The following KCTD8 variants were observed in gnomAD, a reference collection of about 807,000 sequenced individuals.
The protein encoded by KCTD8 is BTB/POZ domain-containing protein KCTD8.
A neutral mutation model predicts 31.5 loss-of-function variants in KCTD8; 27 were observed. The observed-to-expected ratio is 0.86, with a 90% confidence interval of 0.63 to 1.18. The LOEUF (loss-of-function observed/expected upper bound fraction) is 1.18. Ranked by LOEUF, KCTD8 falls within the 50% of genes most tolerant of loss-of-function variation. The pLI, the probability that KCTD8 is intolerant of heterozygous loss-of-function variation, is 0.00. For synonymous variants in KCTD8, 290 were observed against 280.0 expected, an observed-to-expected ratio of 1.04 and a Z score of -0.36; for missense variants, 658 against 647.7, an observed-to-expected ratio of 1.02 and a Z score of -0.17.
intron 1 of KCTD8, among the ~76,000 whole-genome samples, chr4:44,267,159 G>C (rs1716405213): frequency 6.6e-6 from 1 of 152,046 alleles, no homozygotes. Context: ...GCTCTCCTCA[G>C]CAAATGTAAA....
chr4:44,367,036 G>C (rs556706588), intron 1 of KCTD8, among the ~76,000 whole-genome samples: 3 of 152,136 alleles, frequency 2.0e-5, no homozygotes. Context: ...CACATTCTTT[G>C]CTGCAATCCA....
intron 1 of KCTD8, 48 bp downstream of exon 1, chr4:44,447,515 T>A: frequency 6.8e-7 from 1 of 1,471,006 alleles, no homozygotes; most frequent in Non-Finnish European, 9.0e-7. Flanking sequence ...TGGCGGCGGC[T>A]CAGCAGGGGG....
chr4:44,289,473 T>C (rs139012553), intron 1 of KCTD8, among the ~76,000 whole-genome samples: 1 of 150,968 alleles, frequency 6.6e-6, no homozygotes, highest in South Asian at 2.1e-4. Flanking sequence ...ACACCAAGAG[T>C]TGATACAGAG....
intron 1 of KCTD8, among the ~76,000 whole-genome samples, chr4:44,307,721 C>T (rs946484538): frequency 5.9e-5 from 9 of 151,840 alleles, no homozygotes; most frequent in African/African-American, 2.2e-4. Context: ...GCATATTAGC[C>T]TATGGTTTTC....
intron 1 of KCTD8, among the ~76,000 whole-genome samples, chr4:44,350,075 T>C (rs1719158489): frequency 6.6e-6 from 1 of 152,180 alleles, no homozygotes; most frequent in Non-Finnish European, 1.5e-5. Context: ...TGCAAATGTT[T>C]ACTGAGATAA....
Position 44,382,900 on chromosome 4 carries a change from T to C in KCTD8, c.961+64663A>G, listed in dbSNP as rs921065131. 3.3e-4 allele frequency among the ~76,000 whole-genome samples: 50 copies of C among 151,930 alleles called. 1 individual carries two copies. The highest frequency in any genetic ancestry group is 1.0e-4 in the Non-Finnish European group (7 of 67,982). ...TGTTTGCAGATGACATGATCTCATATGTAGAAAAACCTGAAGACTCTACCA... is the reference window on the plus strand; with the variant it reads ...TGTTTGCAGATGACATGATCTCATACGTAGAAAAACCTGAAGACTCTACCA... On this transcript the variant is annotated intron_variant, in intron 1 of 1. Transcript: ENST00000360029.
In KCTD8 at chr4:44,212,882, A is replaced by T. The variant is rs112318268; in HGVS notation, c.962-37632T>A. Among the ~76,000 whole-genome samples the T allele has an allele frequency of 1.4e-3, 206 of 151,912 alleles. 1 individual carries two copies. The highest frequency in any genetic ancestry group is 4.5e-3 in the African/African-American group (188 of 41,430). On this transcript the variant is annotated intron_variant, in intron 1 of 1. Coordinates refer to ENST00000360029, the MANE Select transcript of KCTD8 (RefSeq NM_198353.3). ...ACCAACATCTCATCTTTTCATTTTT[A>T]CTTTGTTTCACTTTTCCTTTGCATT... is the stretch of plus-strand genomic sequence containing the variant.
intron 1 of KCTD8, among the ~76,000 whole-genome samples, chr4:44,359,911 T>C (rs1047523582): frequency 2.0e-5 from 3 of 152,164 alleles, no homozygotes; most frequent in African/African-American, 7.2e-5. Flanking sequence ...AATATACATA[T>C]TTATGTGACT....
chr4:44,373,008 C>T (rs975832640), intron 1 of KCTD8, among the ~76,000 whole-genome samples: 2 of 152,096 alleles, frequency 1.3e-5, no homozygotes, highest in Non-Finnish European at 2.9e-5. Flanking sequence ...CTAGTAATTT[C>T]TCTTACAAAT....
intron 1 of KCTD8, among the ~76,000 whole-genome samples, chr4:44,314,129 G>A (rs1003833080): frequency 6.6e-6 from 1 of 152,194 alleles, no homozygotes; most frequent in African/African-American, 2.4e-5. Flanking sequence ...TCATGAAGAT[G>A]GAGGGTTAAT....
chr4:44,264,361 A>C (rs2109367204), intron 1 of KCTD8, among the ~76,000 whole-genome samples: 1 of 152,338 alleles, frequency 6.6e-6, no homozygotes, highest in African/African-American at 2.4e-5. Context: ...TAGAGCAACT[A>C]GAGTTGGAAT....
At chr4:44,297,368 A>G (rs1717465523) in intron 1 of KCTD8, among the ~76,000 whole-genome samples, 1 of 152,128 alleles carries the variant, frequency 6.6e-6, no homozygotes, top group African/African-American at 2.4e-5. Context: ...TTTTGACATA[A>G]CATGGTCCCC....
intron 1 of KCTD8, among the ~76,000 whole-genome samples, chr4:44,231,654 T>C (rs917832540): frequency 6.6e-6 from 1 of 152,200 alleles, no homozygotes; most frequent in Admixed American, 6.5e-5. Context: ...GTATCCCATA[T>C]GTGAAATAAT....
chr4:44,308,048 A>AT (rs906205870), intron 1 of KCTD8, among the ~76,000 whole-genome samples: 3 of 151,908 alleles, frequency 2.0e-5, no homozygotes, highest in Non-Finnish European at 4.4e-5. Context: ...TCCCTTATCT[A>AT]TTTTTCATAA....
intron 1 of KCTD8, among the ~76,000 whole-genome samples, chr4:44,423,682 GATT>G (rs1721277634): frequency 1.3e-5 from 2 of 152,066 alleles, no homozygotes; most frequent in South Asian, 4.1e-4. Flanking sequence ...TGTACCATGA[GATT>G]ATTGTTTACT....
At chr4:44,410,882 A>C (rs962979425) in intron 1 of KCTD8, among the ~76,000 whole-genome samples, 30 of 152,272 alleles carry the variant, frequency 2.0e-4, no homozygotes, top group South Asian at 4.1e-4. Context: ...CCATATCAGC[A>C]TGTATATTAT....
chr4:44,204,448 C>G (rs1348299380), intron 1 of KCTD8, among the ~76,000 whole-genome samples: 2 of 152,060 alleles, frequency 1.3e-5, no homozygotes, highest in Non-Finnish European at 2.9e-5. Flanking sequence ...TGTGAAAATC[C>G]CTGTCCTGTT....
At chr4:44,293,503 G>C (rs1348266136) in intron 1 of KCTD8, 3 of 451,714 alleles carry the variant, frequency 6.6e-6, no homozygotes, top group African/African-American at 2.0e-5. Flanking sequence ...GGTAGCAAAG[G>C]TGTAATTGGT....
intron 1 of KCTD8, among the ~76,000 whole-genome samples, chr4:44,283,129 A>C (rs1450733839): frequency 1.3e-5 from 2 of 151,178 alleles, no homozygotes; most frequent in Non-Finnish European, 2.9e-5. Context: ...AGCTCACTGC[A>C]ACCTCCGCCT....
Sources: allele counts gnomAD v4.1 joint callset (sites outside exome capture counted in the v4.1 genomes callset), GRCh38; gene constraint gnomAD v4.1.1; transcripts MANE v1.5; gene names NCBI Gene and HGNC (gene_info 2026-07-23, HGNC 2026-07-21).